The following SEMA3C variants were observed in gnomAD, a reference collection of about 807,000 sequenced individuals.
The protein encoded by SEMA3C is semaphorin 3C.
Under a neutral mutation model 89.4 loss-of-function variants are expected in SEMA3C, and 47 were observed. The observed-to-expected ratio is 0.53, with a 90% confidence interval of 0.42 to 0.67. The LOEUF is 0.67. SEMA3C is among the 30% of genes least tolerant of loss of function. The pLI is 0.00. For synonymous variants in SEMA3C, 310 were observed against 320.2 expected (o/e 0.97, Z 0.34); for missense variants, 839 against 929.1 (o/e 0.90, Z 1.26).
chr7:80,804,461 T>A (rs1789289607), intron 7 of SEMA3C, among the ~76,000 whole-genome samples: 1 of 152,170 alleles, frequency 6.6e-6, no homozygotes, highest in African/African-American at 2.4e-5. Context: ...ATGTGAAAAT[T>A]ATTTGTGCAC....
upstream of SEMA3C, among the ~76,000 whole-genome samples, chr7:80,919,689 A>G (rs560712881): frequency 4.6e-5 from 7 of 151,934 alleles, no homozygotes; most frequent in East Asian, 9.7e-4. Flanking sequence ...CCCGGGTTCA[A>G]GCGATTCTCC....
intron 2 of SEMA3C, among the ~76,000 whole-genome samples, chr7:80,880,131 A>G (rs1316259657): frequency 2.0e-5 from 3 of 152,044 alleles, no homozygotes; most frequent in Admixed American, 6.6e-5. Context: ...CCCCTTGGTT[A>G]AGTCCCTTAT....
chr7:80,801,089 A>T (rs1789196291), intron 9 of SEMA3C, among the ~76,000 whole-genome samples: 1 of 152,090 alleles, frequency 6.6e-6, no homozygotes, highest in Non-Finnish European at 1.5e-5. Context: ...AAGTACAATG[A>T]TATATTACAT....
chr7:80,788,851 T>C (rs371487108), intron 12 of SEMA3C, among the ~76,000 whole-genome samples: 1 of 152,300 alleles, frequency 6.6e-6, no homozygotes, highest in East Asian at 1.9e-4. Flanking sequence ...CTTACCTCCA[T>C]GGCTTATTAA....
upstream of SEMA3C, chr7:80,922,317 C>A: frequency 7.8e-7 from 1 of 1,286,338 alleles, no homozygotes; most frequent in Non-Finnish European, 1.0e-6. Context: ...CTTTCTCCTT[C>A]ACTCAACTTC....
chr7:80,908,245 T>G (rs1792059607), intron 2 of SEMA3C, among the ~76,000 whole-genome samples: 2 of 152,158 alleles, frequency 1.3e-5, no homozygotes, highest in Non-Finnish European at 2.9e-5. Flanking sequence ...CCCCTTACTC[T>G]CAGTTTCTAA....
At chr7:80,839,871 T>C (rs965509924) in intron 2 of SEMA3C, among the ~76,000 whole-genome samples, 1 of 151,252 alleles carries the variant, frequency 6.6e-6, no homozygotes, top group African/African-American at 2.4e-5. Context: ...ATGGAAAGAG[T>C]CTTAAAGCAA....
intron 5 of SEMA3C, among the ~76,000 whole-genome samples, chr7:80,816,807 T>C (rs1191438870): frequency 6.6e-6 from 1 of 152,224 alleles, no homozygotes; most frequent in Non-Finnish European, 1.5e-5. Flanking sequence ...TTTAGCAAAG[T>C]GATTAAAATG....
chr7:80,776,526 A>G (rs1234437159), intron 12 of SEMA3C, among the ~76,000 whole-genome samples: 3 of 152,200 alleles, frequency 2.0e-5, no homozygotes, highest in Non-Finnish European at 4.4e-5. Flanking sequence ...TCTACAGATT[A>G]TAACTAATTT....
At chr7:80,877,751 G>C (rs892490690) in intron 2 of SEMA3C, among the ~76,000 whole-genome samples, 5 of 152,162 alleles carry the variant, frequency 3.3e-5, no homozygotes, top group African/African-American at 1.2e-4. Flanking sequence ...GCAGTGGTAA[G>C]AAAATTGATT....
In SEMA3C at chr7:80,795,176, C is replaced by T. The variant is rs142250238; in HGVS notation, c.1131+2916G>A. ...TTGGATTACTTGGCTGCAGGTGGTTCGGCTACATGAGACGATATTAAACCC... is the reference window on the plus strand; with the variant it reads ...TTGGATTACTTGGCTGCAGGTGGTTTGGCTACATGAGACGATATTAAACCC... On this transcript the variant is annotated intron_variant, in intron 11 of 17. Transcript: ENST00000265361. Among the ~76,000 whole-genome samples the T allele has an allele frequency of 2.9e-4, 44 of 152,198 alleles. No homozygotes were observed. In the East Asian group the frequency reaches 3.5e-3, roughly 12 times the overall value.
chr7:80,872,797 CAAAAAA>C (rs1218885274), intron 2 of SEMA3C, among the ~76,000 whole-genome samples: 4 of 40,100 alleles, frequency 1.0e-4, no homozygotes, highest in South Asian at 8.1e-4. Flanking sequence ...GAGACTCTGT[CAAAAAA>C]AAAAAAAAAA....
chr7:80,883,417 C>T lies in SEMA3C; in HGVS notation c.103+33262G>A, dbSNP rs966134699. On this transcript the variant is annotated intron_variant, in intron 2 of 17. Coordinates refer to ENST00000265361, the MANE Select transcript of SEMA3C (RefSeq NM_006379.5). ...TGTCTGTGTTTGAACTGTGCTTGAT[C>T]TGGGATACTTTCAAACTGAATCAGA... Among the ~76,000 whole-genome samples the T allele has an allele frequency of 5.9e-5, 9 of 152,282 alleles. No individual in the cohort carries two copies. In the East Asian group the frequency reaches 1.2e-3, roughly 20 times the overall value.
rs1217254804 is a variant in SEMA3C at position 80,743,126 on chromosome 7, G to T, written c.*1768C>A. On this transcript the variant is annotated 3_prime_UTR_variant, in exon 18 of 18. Transcript: ENST00000265361. ...CTGTGTGTCAATGTAGAAGAGAAAAGAAGTTTAATTATACCTTTTAAGCAG... is the reference window on the plus strand; with the variant it reads ...CTGTGTGTCAATGTAGAAGAGAAAATAAGTTTAATTATACCTTTTAAGCAG... The T allele has an allele frequency of 8.6e-5, 13 of 151,848 alleles. No homozygotes were observed. The highest frequency in any genetic ancestry group is 4.4e-5 in the Non-Finnish European group (3 of 67,832). The allele number at this position is 151,848 out of a possible 1,614,324, so 9.4% of individuals were successfully genotyped here.
intron 11 of SEMA3C, among the ~76,000 whole-genome samples, chr7:80,794,263 T>G (rs1286082261): frequency 6.6e-6 from 1 of 152,046 alleles, no homozygotes; most frequent in Non-Finnish European, 1.5e-5. Flanking sequence ...AAGCTCAATC[T>G]CACATTTTTT....
At chr7:80,764,111 A>C (rs1788245011) in intron 13 of SEMA3C, among the ~76,000 whole-genome samples, 1 of 152,206 alleles carries the variant, frequency 6.6e-6, no homozygotes, top group South Asian at 2.1e-4. Flanking sequence ...ACGTGCTTAT[A>C]AAGTCAGTAT....
intron 2 of SEMA3C, among the ~76,000 whole-genome samples, chr7:80,858,101 C>T (rs1224634379): frequency 6.6e-6 from 1 of 152,104 alleles, no homozygotes; most frequent in African/African-American, 2.4e-5. Flanking sequence ...AATCACACTT[C>T]TAGCATTGAC....
intron 2 of SEMA3C, among the ~76,000 whole-genome samples, chr7:80,863,766 G>T (rs1790837377): frequency 8.0e-6 from 1 of 125,150 alleles, no homozygotes; most frequent in African/African-American, 3.5e-5. Context: ...ATATATAGTA[G>T]TATTCCATCA....
intron 10 of SEMA3C, 75 bp from the exon 11 acceptor site, chr7:80,798,311 T>C (rs1789116394): frequency 8.3e-7 from 1 of 1,203,716 alleles, no homozygotes; most frequent in African/African-American, 1.6e-5. Flanking sequence ...TATGGTAAAA[T>C]TTATGATAAA....
Sources: allele counts gnomAD v4.1 joint callset (sites outside exome capture counted in the v4.1 genomes callset), GRCh38; gene constraint gnomAD v4.1.1; transcripts MANE v1.5; gene names NCBI Gene and HGNC (gene_info 2026-07-23, HGNC 2026-07-21).